Variants in ESR1 observed in about 807,000 individuals in gnomAD.
ESR1 encodes the protein estrogen receptor.
A neutral mutation model predicts 52.7 loss-of-function variants in ESR1; 12 were observed. The ratio of observed to expected loss-of-function variants is 0.23; its 90% CI spans 0.15 to 0.37. The LOEUF is 0.37. Ranked by LOEUF, ESR1 falls within the 10% of genes least tolerant of loss-of-function variation. The probability of loss-of-function intolerance (pLI) is 1.00; values close to 1 mark genes in which losing one functional copy is unlikely to be tolerated. For missense variants in ESR1, 584 were observed against 779.7 expected (o/e 0.75, Z 2.99); for synonymous variants, 305 against 316.8 (o/e 0.96, Z 0.39).
intron 3 of ESR1, among the ~76,000 whole-genome samples, chr6:151,888,910 C>T (rs1399832340): frequency 6.6e-6 from 1 of 151,932 alleles, no homozygotes; most frequent in African/African-American, 2.4e-5. Context: ...TGCATTTTTT[C>T]CTCTATTGAG....
chr6:151,861,724 T>C (rs564833101), intron 2 of ESR1, among the ~76,000 whole-genome samples: 11 of 152,168 alleles, frequency 7.2e-5, no homozygotes, highest in Non-Finnish European at 1.0e-4. Flanking sequence ...GGTGTTTGAA[T>C]GTATTTTGTT....
intron 7 of ESR1, among the ~76,000 whole-genome samples, chr6:152,097,857 G>GGAA (rs1478156484): frequency 2.6e-4 from 40 of 152,172 alleles, no homozygotes; most frequent in African/African-American, 9.7e-4. Flanking sequence ...GTGTGAGTGT[G>GGAA]TGCACGTGTG....
intron 2 of ESR1, among the ~76,000 whole-genome samples, chr6:151,759,353 C>T (rs1193314756): frequency 6.6e-6 from 1 of 151,354 alleles, no homozygotes; most frequent in African/African-American, 2.4e-5. Flanking sequence ...TATGGTCCTG[C>T]TGATCTATTA....
intron 1 of ESR1, among the ~76,000 whole-genome samples, chr6:151,679,448 C>T (rs1332080265): frequency 7.2e-5 from 11 of 152,168 alleles, no homozygotes; most frequent in African/African-American, 1.2e-4. Context: ...CTCCCAGGTT[C>T]GAGCAAATCT....
chr6:151,993,967 T>C (rs1405803727), intron 4 of ESR1, among the ~76,000 whole-genome samples: 1 of 152,210 alleles, frequency 6.6e-6, no homozygotes, highest in Admixed American at 6.5e-5. Flanking sequence ...ATGATAATAA[T>C]GAATACTTCT....
intron 3 of ESR1, among the ~76,000 whole-genome samples, chr6:151,899,686 G>C (rs1479418166): frequency 6.6e-6 from 1 of 151,026 alleles, no homozygotes; most frequent in Admixed American, 6.6e-5. Context: ...CAGACAGGGC[G>C]GTTGCCAGGC....
chr6:151,825,910 C>CA (rs3996305), intron 1 of ESR1, among the ~76,000 whole-genome samples: 7,157 of 77,872 alleles, frequency 0.092, 742 homozygotes, highest in East Asian at 0.27. Context: ...GACTCCATCT[C>CA]AAAAAAAAAA....
chr6:151,815,435 A>C (rs11752481), intron 1 of ESR1, among the ~76,000 whole-genome samples: 1 of 152,190 alleles, frequency 6.6e-6, no homozygotes, highest in Non-Finnish European at 1.5e-5. Flanking sequence ...AGCAAAGTGC[A>C]TGGCACGTGA....
chr6:151,760,864 G>C (rs995617535), intron 2 of ESR1, among the ~76,000 whole-genome samples: 1 of 152,110 alleles, frequency 6.6e-6, no homozygotes, highest in African/African-American at 2.4e-5. Flanking sequence ...AGAAAATAAT[G>C]GATCGATTAA....
intron 2 of ESR1, among the ~76,000 whole-genome samples, chr6:151,726,148 C>G (rs1781821192): frequency 6.6e-6 from 1 of 152,176 alleles, no homozygotes; most frequent in Non-Finnish European, 1.5e-5. Flanking sequence ...GAAACCAATT[C>G]TGGCTCATTT....
At chr6:152,018,260 A>G (rs530316137) in intron 5 of ESR1, among the ~76,000 whole-genome samples, 28 of 152,176 alleles carry the variant, frequency 1.8e-4, no homozygotes, top group African/African-American at 6.3e-4. Flanking sequence ...TACAAACAAG[A>G]ACATTTTCAT....
chr6:152,002,111 G>C (rs924126916), intron 4 of ESR1, among the ~76,000 whole-genome samples: 1 of 151,360 alleles, frequency 6.6e-6, no homozygotes, highest in Non-Finnish European at 1.5e-5. Context: ...CTTGTTTTTT[G>C]CTCTTAATCC....
At chr6:152,128,426 C>A (rs1470219446) in exon 7 of ESR1, 1 of 152,090 alleles carries the variant, frequency 6.6e-6, no homozygotes, top group African/African-American at 2.4e-5. Flanking sequence ...AGGCCCAGGG[C>A]CTAAATTTAG....
Position 152,036,144 on chromosome 6 carries a change from G to A in ESR1, c.1235+24350G>A, listed in dbSNP as rs944918012. On this transcript the variant is annotated intron_variant, in intron 5 of 7. Transcript: ENST00000206249. ...CAGGAGGCCAAGGCAGGCAGATCAC[G>A]AGGTCAGGAGATCGAGACCAGCCTG... Among the ~76,000 whole-genome samples, 9 of 152,298 alleles carry A rather than the reference G, an allele frequency of 5.9e-5. No individual in the cohort carries two copies. The East Asian group carries it at 9.7e-4, about 16-fold the overall frequency.
intron 5 of ESR1, among the ~76,000 whole-genome samples, chr6:152,034,496 G>C (rs141881272): frequency 6.7e-6 from 1 of 150,340 alleles, no homozygotes; most frequent in African/African-American, 2.4e-5. Flanking sequence ...TTTGTCTGCT[G>C]TGTGTCCTTA....
intron 2 of ESR1, among the ~76,000 whole-genome samples, chr6:151,797,824 G>A (rs755063039): frequency 2.0e-5 from 3 of 152,164 alleles, no homozygotes; most frequent in Non-Finnish European, 4.4e-5. Flanking sequence ...TTTGCATGGC[G>A]CTATGTCCTC....
intron 5 of ESR1, among the ~76,000 whole-genome samples, chr6:152,012,435 C>T (rs2042857573): frequency 6.6e-6 from 1 of 151,896 alleles, no homozygotes; most frequent in Non-Finnish European, 1.5e-5. Context: ...CCACCCTGCA[C>T]CAGCTGTGAT....
chr6:151,959,057 G>A (rs775221878), intron 4 of ESR1, among the ~76,000 whole-genome samples: 14 of 151,936 alleles, frequency 9.2e-5, no homozygotes, highest in Admixed American at 7.9e-4. Flanking sequence ...TCAACAAGGA[G>A]AACAGAGTGG....
At chr6:151,795,925 G>C (rs1016168206) in intron 2 of ESR1, among the ~76,000 whole-genome samples, 3 of 151,844 alleles carry the variant, frequency 2.0e-5, no homozygotes, top group Non-Finnish European at 4.4e-5. Context: ...GAGGTGGGCG[G>C]ATCATGAGGT....
Sources: gnomAD v4.1 joint callset for allele counts (sites outside exome capture counted in the v4.1 genomes callset) on GRCh38, gnomAD v4.1.1 for gene constraint, MANE v1.5 for transcripts, NCBI Gene and HGNC (gene_info 2026-07-23, HGNC 2026-07-21) for gene names.